TAFA5: variants seen among roughly 807,000 people sequenced by gnomAD.
TAFA5 encodes TAFA chemokine like family member 5.
In TAFA5, 6 loss-of-function variants were observed where a neutral mutation model predicts 15.3. The observed-to-expected ratio is 0.39, with a 90% confidence interval of 0.21 to 0.77. The LOEUF (loss-of-function observed/expected upper bound fraction) is 0.77, where lower values mean the gene tolerates loss of function less well. Ranked by LOEUF, TAFA5 falls within the 30% of genes least tolerant of loss-of-function variation. The pLI is 0.41. For missense variants in TAFA5, 161 were observed against 193.1 expected, an observed-to-expected ratio of 0.83 and a Z score of 0.98; for synonymous variants, 103 against 80.7, an observed-to-expected ratio of 1.28 and a Z score of -1.48.
intron 3 of TAFA5, 25 bp downstream of exon 3, chr22:48,707,869 G>C: frequency 3.1e-6 from 5 of 1,606,292 alleles, no homozygotes; most frequent in Non-Finnish European, 4.3e-6. Flanking sequence ...GCTTTCTCGT[G>C]GGTGTGCTGG....
intron 1 of TAFA5, among the ~76,000 whole-genome samples, chr22:48,567,248 C>T (rs908259031): frequency 5.3e-5 from 8 of 152,224 alleles, no homozygotes; most frequent in Admixed American, 2.0e-4. Flanking sequence ...GAGAGCATCC[C>T]GCTGTGTGCT....
chr22:48,610,186 G>A (rs1185932155), intron 1 of TAFA5, among the ~76,000 whole-genome samples: 1 of 152,082 alleles, frequency 6.6e-6, no homozygotes, highest in Non-Finnish European at 1.5e-5. Context: ...GCCTTCCCGT[G>A]GCCCCCGAGA....
At chr22:48,524,046 G>C (rs1359646536) in intron 1 of TAFA5, among the ~76,000 whole-genome samples, 1 of 152,244 alleles carries the variant, frequency 6.6e-6, no homozygotes, top group Non-Finnish European at 1.5e-5. Flanking sequence ...AGCAGGGTGG[G>C]AAGATAGCAT....
intron 2 of TAFA5, among the ~76,000 whole-genome samples, chr22:48,701,986 C>T (rs1478812752): frequency 6.6e-6 from 1 of 152,148 alleles, no homozygotes; most frequent in East Asian, 1.9e-4. Context: ...CTTGAATGTA[C>T]ACACAGAGGG....
intron 1 of TAFA5, among the ~76,000 whole-genome samples, chr22:48,512,413 C>A (rs1156911369): frequency 6.6e-6 from 1 of 151,960 alleles, no homozygotes; most frequent in East Asian, 1.9e-4. Context: ...TCGAGACCAG[C>A]CTGGCCAACA....
At chr22:48,601,440 C>CT (rs1924970054) in intron 1 of TAFA5, among the ~76,000 whole-genome samples, 1 of 152,170 alleles carries the variant, frequency 6.6e-6, no homozygotes, top group South Asian at 2.1e-4. Flanking sequence ...GATTCTCCTG[C>CT]TTCAGCCTCC....
At chr22:48,686,899 AATGGATGGATGGATGGATGG>A (rs55750601) in intron 2 of TAFA5, among the ~76,000 whole-genome samples, 16 of 136,244 alleles carry the variant, frequency 1.2e-4, no homozygotes, top group African/African-American at 2.4e-4. Context: ...TTGATGGTTG[AATGGATGGATGGATGGATGG>A]ATGGATGGAT....
chr22:48,492,549 A>G (rs868722804), intron 1 of TAFA5, among the ~76,000 whole-genome samples: 2 of 151,970 alleles, frequency 1.3e-5, no homozygotes, highest in African/African-American at 4.8e-5. Context: ...ATAGAAGGAG[A>G]TGGGCTCCAC....
At position 48,749,635 on chromosome 22, in the gene TAFA5, TC is replaced by T. The variant is rs1266024190; in HGVS notation, c.391-201del. On this transcript the variant is annotated intron_variant, in intron 3 of 3. Coordinates refer to ENST00000402357, the MANE Select transcript of TAFA5 (RefSeq NM_001082967.3). ...GTCGTGCACAGAGGGCGCCCCACTC[TC>T]CCGAGACACAAGGAAGGGTGGGGAT... Among the ~76,000 whole-genome samples, 12 of 152,232 alleles carry T rather than the reference TC, an allele frequency of 7.9e-5. No homozygotes were observed. The East Asian group carries it at 2.3e-3, about 30-fold the overall frequency.
intron 1 of TAFA5, among the ~76,000 whole-genome samples, chr22:48,537,573 C>T (rs184110700): frequency 1.6e-3 from 238 of 152,364 alleles, no homozygotes; most frequent in African/African-American, 5.3e-3. Flanking sequence ...GGATAAGGCT[C>T]CTGGGAGGAC....
intron 1 of TAFA5, among the ~76,000 whole-genome samples, chr22:48,526,175 C>CAGG (rs1921775111): frequency 6.6e-6 from 1 of 152,208 alleles, no homozygotes; most frequent in Non-Finnish European, 1.5e-5. Flanking sequence ...AGGGGCTGTC[C>CAGG]AGGGCTGGGA....
At chr22:48,667,555 T>C (rs116517310) in intron 2 of TAFA5, among the ~76,000 whole-genome samples, 1,751 of 152,306 alleles carry the variant, frequency 0.011, 39 homozygotes, top group African/African-American at 0.039. Context: ...CTGTTGATAT[T>C]TATTTATCTC....
intron 2 of TAFA5, among the ~76,000 whole-genome samples, chr22:48,672,467 T>C (rs1927832347): frequency 6.6e-6 from 1 of 152,192 alleles, no homozygotes; most frequent in African/African-American, 2.4e-5. Context: ...GGAAAAAAAA[T>C]GGGTGAGATT....
intron 1 of TAFA5, among the ~76,000 whole-genome samples, chr22:48,584,503 C>CCACACA (rs372447681): frequency 6.1e-5 from 9 of 148,130 alleles, no homozygotes; most frequent in South Asian, 2.2e-4. Context: ...ACAAAATACA[C>CCACACA]CACACACACA....
intron 3 of TAFA5, among the ~76,000 whole-genome samples, chr22:48,709,547 C>T (rs1929188598): frequency 6.6e-6 from 1 of 152,188 alleles, no homozygotes. Flanking sequence ...GCCACCTCGC[C>T]CTGAATTTGG....
chr22:48,698,072 G>T (rs1821014219), intron 2 of TAFA5, among the ~76,000 whole-genome samples: 1 of 150,892 alleles, frequency 6.6e-6, no homozygotes, highest in Admixed American at 6.6e-5. Flanking sequence ...CATAATGATG[G>T]TGATGGTGAT....
intron 1 of TAFA5, among the ~76,000 whole-genome samples, chr22:48,527,849 T>C (rs1921832681): frequency 6.6e-6 from 1 of 152,072 alleles, no homozygotes; most frequent in African/African-American, 2.4e-5. Flanking sequence ...GTTTCACGGG[T>C]AGATGGAGCC....
At chr22:48,558,213 G>A (rs546293076) in intron 1 of TAFA5, among the ~76,000 whole-genome samples, 1 of 152,174 alleles carries the variant, frequency 6.6e-6, no homozygotes, top group Non-Finnish European at 1.5e-5. Context: ...TTCGCTCTCC[G>A]TGGCTGCATT....
chr22:48,503,927 G>A (rs545301453), intron 1 of TAFA5, among the ~76,000 whole-genome samples: 5 of 152,200 alleles, frequency 3.3e-5, no homozygotes, highest in Admixed American at 2.6e-4. Flanking sequence ...GTGGGGTGCC[G>A]AGCCAGCTCA....
Sources: allele counts gnomAD v4.1 joint callset (sites outside exome capture counted in the v4.1 genomes callset), GRCh38; gene constraint gnomAD v4.1.1; transcripts MANE v1.5; gene names NCBI Gene and HGNC (gene_info 2026-07-23, HGNC 2026-07-21).